The following CLN6 variants were observed in gnomAD, a reference collection of about 807,000 sequenced individuals.
The protein encoded by CLN6 is CLN6 transmembrane ER protein, also known as ceroid-lipofuscinosis neuronal protein 6.
A neutral mutation model predicts 33.3 loss-of-function variants in CLN6; 22 were observed. The observed-to-expected ratio is 0.66, with a 90% CI of 0.47 to 0.94. The LOEUF is 0.94. Ranked by LOEUF, CLN6 falls within the 40% of genes least tolerant of loss-of-function variation. The pLI is 0.00. For synonymous variants in CLN6, 201 were observed against 174.6 expected, an observed-to-expected ratio of 1.15 and a Z score of -1.19; for missense variants, 387 against 417.1, an observed-to-expected ratio of 0.93 and a Z score of 0.63.
At position 68,220,296 on chromosome 15, in the gene CLN6, T is replaced by A. The variant is rs1023947691; in HGVS notation, c.84-1646A>T. 6.6e-6 allele frequency among the ~76,000 whole-genome samples: 1 copy of A among 152,230 alleles called. No individual in the cohort carries two copies. Among genetic ancestry groups the A allele is most frequent in the African/African-American group, 2.4e-5 (1 of 41,460 alleles). On this transcript the variant is annotated intron_variant, in intron 1 of 6. Transcript: ENST00000249806. The surrounding 1 kb of genome is among the most constrained non-coding windows in gnomAD (Gnocchi z 4.2). ...TGCACTATCTCATCTAATCCACGCA[T>A]CTGCTTTACAGATGAGGATACTGAG...
At position 68,256,341 on chromosome 15, in the gene CLN6, T is replaced by G. The variant is rs1892436129; in HGVS notation, c.179+349A>C. ...CCAGGCTGGTTGAGAACTCCTGACCTCAAGTGATCCGCCTGCCTCTGCCTC... is the reference window on the plus strand; with the variant it reads ...CCAGGCTGGTTGAGAACTCCTGACCGCAAGTGATCCGCCTGCCTCTGCCTC... On this transcript the variant is annotated intron_variant, in intron 1 of 6. Transcript: ENST00000538696. This position sits in a 1 kb window ranked among gnomAD's most constrained non-coding sequence, Gnocchi z 4.1. 1.3e-5 allele frequency among the ~76,000 whole-genome samples: 2 copies of G among 151,908 alleles called. No homozygotes were observed. Among genetic ancestry groups the G allele is most frequent in the African/African-American group, 2.4e-5 (1 of 41,346 alleles).
intron 1 of CLN6, among the ~76,000 whole-genome samples, chr15:68,229,221 G>A (rs2093260790): frequency 6.6e-6 from 1 of 152,186 alleles, no homozygotes; most frequent in Non-Finnish European, 1.5e-5. Context: ...ACGCGGGAAG[G>A]GAGGAAAACC....
Position 68,220,612 on chromosome 15 carries a change from C to G in CLN6, c.84-1962G>C, listed in dbSNP as rs181076593. ...CATCCAGGTAAGAATGAAGTAGCCT[C>G]GCAGAGAGGATCAGGGAAAGGGGGA... On this transcript the variant is annotated intron_variant, in intron 1 of 6. Transcript: ENST00000249806. The surrounding 1 kb of genome is among the most constrained non-coding windows in gnomAD (Gnocchi z 4.2). 5.2e-4 allele frequency among the ~76,000 whole-genome samples: 79 copies of G among 152,170 alleles called. No homozygotes were observed. Among genetic ancestry groups the G allele is most frequent in the Non-Finnish European group, 9.6e-4 (65 of 68,046 alleles).
chr15:68,249,142 C>T (rs916638410), intron 1 of CLN6, among the ~76,000 whole-genome samples: 3 of 152,180 alleles, frequency 2.0e-5, no homozygotes, highest in East Asian at 1.9e-4. Flanking sequence ...TAGCCTAGTT[C>T]GAATGACTTT....
rs751043779 is a variant in CLN6, at chr15:68,211,605, C to T, written c.486+70G>A. On this transcript the variant is annotated intron_variant, in intron 4 of 6. Coordinates refer to ENST00000249806, the MANE Select transcript of CLN6 (RefSeq NM_017882.3). This position sits in a 1 kb window ranked among gnomAD's most constrained non-coding sequence, Gnocchi z 5.9. The stretch of plus-strand genomic sequence containing the variant: ...GACAGGTGCGGCGAGGGGTGGGGGC[C>T]ATTTCTTCAGCCTCCCAGGACAGAC... The T allele has an allele frequency of 1.3e-5, 21 of 1,605,976 alleles. No homozygotes were observed. The South Asian group carries it at 2.3e-4, about 18-fold the overall frequency.
At position 68,208,117 on chromosome 15, in the gene CLN6, C is replaced by T. The variant is rs768820177; in HGVS notation, c.*23G>A. The T allele has an allele frequency of 6.5e-6, 10 of 1,542,622 alleles. No individual in the cohort carries two copies. Among genetic ancestry groups the T allele is most frequent in the South Asian group, 5.6e-5 (5 of 89,018 alleles). On this transcript the variant is annotated 3_prime_UTR_variant, in exon 7 of 7. Coordinates refer to ENST00000249806, the MANE Select transcript of CLN6 (RefSeq NM_017882.3). This position sits in a 1 kb window ranked among gnomAD's most constrained non-coding sequence, Gnocchi z 5.8. ...TGGCCCACCCTCCCACCCAGCAGAG[C>T]GCCAGAGCCTGGTGCCAGGGACTCA... is the stretch of plus-strand genomic sequence containing the variant.
intron 1 of CLN6, 99 bp downstream of exon 1, chr15:68,229,403 G>T (rs374125159): frequency 1.3e-5 from 13 of 965,536 alleles, no homozygotes; most frequent in East Asian, 3.5e-5. Flanking sequence ...CGCCGCACAC[G>T]AGGTTCCCGC....
intron 1 of CLN6, among the ~76,000 whole-genome samples, chr15:68,250,799 A>G (rs1474685721): frequency 6.6e-6 from 1 of 152,192 alleles, no homozygotes; most frequent in Non-Finnish European, 1.5e-5. Context: ...GCTTTGAAGT[A>G]CAGTTTCTAT....
At position 68,211,231 on chromosome 15, in the gene CLN6, C is replaced by T. The variant is rs1466229903; in HGVS notation, c.542+32G>A. On this transcript the variant is annotated intron_variant, in intron 5 of 6. Transcript: ENST00000249806. The surrounding 1 kb of genome is among the most constrained non-coding windows in gnomAD (Gnocchi z 5.9). ...GACAGGGCTAGCCGGTAGTTGGGGC[C>T]CCTGGGATAGACAGATGGGCCCATC... 1.9e-6 allele frequency: 3 copies of T among 1,608,574 alleles called. No individual in the cohort carries two copies. The highest frequency in any genetic ancestry group is 2.6e-6 in the Non-Finnish European group (3 of 1,175,086).
chr15:68,233,483 G>A (rs955662908), upstream of CLN6, among the ~76,000 whole-genome samples: 1 of 152,148 alleles, frequency 6.6e-6, no homozygotes, highest in Non-Finnish European at 1.5e-5. This position sits in a 1 kb window ranked among gnomAD's most constrained non-coding sequence, Gnocchi z 4.3. Flanking sequence ...GCCACACAGC[G>A]AGTTAGAAGC....
At position 68,211,636 on chromosome 15, in the gene CLN6, T is replaced by C. The variant is rs1452059463; in HGVS notation, c.486+39A>G. ...TTCAGCCTCCCAGGACAGACTGTGC[T>C]CCTAGGGCTTACAGGCAGGGAGCAG... On this transcript the variant is annotated intron_variant, in intron 4 of 6. Transcript: ENST00000249806. The surrounding 1 kb of genome is among the most constrained non-coding windows in gnomAD (Gnocchi z 5.9). 1 of 1,611,128 alleles carries C rather than the reference T, an allele frequency of 6.2e-7. No individual in the cohort carries two copies. The highest frequency in any genetic ancestry group is 8.5e-7 in the Non-Finnish European group (1 of 1,179,970).
rs1358692449 is a variant in CLN6, at chr15:68,241,646, A to G, written c.179+15044T>C. Reference sequence around the variant, plus strand: ...AGGTGGGGATACTATCCCTAGCCCTAGAAACATGGTTCTGTAACTCGGCCA... The same window carrying G: ...AGGTGGGGATACTATCCCTAGCCCTGGAAACATGGTTCTGTAACTCGGCCA... On this transcript the variant is annotated intron_variant, in intron 1 of 6. Transcript: ENST00000538696. The surrounding 1 kb of genome is among the most constrained non-coding windows in gnomAD (Gnocchi z 4.2). 1.3e-5 allele frequency among the ~76,000 whole-genome samples: 2 copies of G among 152,210 alleles called. No homozygotes were observed. The highest frequency in any genetic ancestry group is 6.5e-5 in the Admixed American group (1 of 15,280).
In CLN6 at chr15:68,236,882, G is replaced by A. The variant is rs1421332523; in HGVS notation, c.180-18232C>T. ...ATTAAAACTGAATGGAGGCGGCCGGGCGCGGTGGCTCACGCCTGTAATCCC... is the reference window on the plus strand; with the variant it reads ...ATTAAAACTGAATGGAGGCGGCCGGACGCGGTGGCTCACGCCTGTAATCCC... On this transcript the variant is annotated intron_variant, in intron 1 of 6. Coordinates refer to the CLN6 transcript ENST00000538696. This position sits in a 1 kb window ranked among gnomAD's most constrained non-coding sequence, Gnocchi z 4.5. Among the ~76,000 whole-genome samples the A allele has an allele frequency of 6.6e-6, 1 of 151,874 alleles. No individual in the cohort carries two copies. Among genetic ancestry groups the A allele is most frequent in the Non-Finnish European group, 1.5e-5 (1 of 67,956 alleles).
chr15:68,229,809 T>TCCGCTAGGGGAGGGCC (rs1567101878), upstream of CLN6: 1 of 171,462 alleles, frequency 5.8e-6, no homozygotes, highest in Admixed American at 1.0e-4. Context: ...CGGGGCGGGC[T>TCCGCTAGGGGAGGGCC]CCGCTAGGGG....
chr15:68,235,587 AATATATATATATATATATATAT>A (rs59823320), intron 1 of CLN6, among the ~76,000 whole-genome samples: 4,855 of 94,982 alleles, frequency 0.051, 182 homozygotes, highest in African/African-American at 0.12. Context: ...AATAAAAATA[AATATATATATATATATATATAT>A]ATATATATAT....
Position 68,209,685 on chromosome 15 carries a change from A to G in CLN6, c.617T>C (p.Ile206Thr), listed in dbSNP as rs2141137247. ...CACCAGGAGCAGGGCAGGCCCTGGA[A>G]TCAAGCTCTCAGCTTTAGAGGCAGT... ...CFTASKAESL[I>T]PGPALLLVAP... The change falls in exon 6 of 7, where the codon ATT (isoleucine) becomes ACT (threonine). Residue 206 changes from isoleucine (I) to threonine (T), a missense_variant. Physicochemically the swap from Ile to Thr is moderately conservative, Grantham distance 89. Transcript: ENST00000249806. The surrounding 1 kb of genome is among the most constrained non-coding windows in gnomAD (Gnocchi z 4.9). 1 of 1,613,746 alleles carries G rather than the reference A, an allele frequency of 6.2e-7. No homozygotes were observed. The highest frequency in any genetic ancestry group is 1.7e-5 in the Admixed American group (1 of 60,016).
At chr15:68,213,714 C>T (rs1401144448) in intron 3 of CLN6, 1 of 153,888 alleles carries the variant, frequency 6.5e-6, no homozygotes, top group African/African-American at 2.4e-5. Context: ...AAATTTCAGA[C>T]TCCTTTGGAG....
chr15:68,243,445 A>G (rs1892296512), intron 1 of CLN6, among the ~76,000 whole-genome samples: 2 of 152,202 alleles, frequency 1.3e-5, no homozygotes, highest in African/African-American at 4.8e-5. Context: ...CTGGATAGAT[A>G]TAAAATTTTA....
rs2093192711 is a variant in CLN6, at chr15:68,208,060, C to CA, written c.*79_*80insT. On this transcript the variant is annotated 3_prime_UTR_variant, in exon 7 of 7. Coordinates refer to ENST00000249806, the MANE Select transcript of CLN6 (RefSeq NM_017882.3). The surrounding 1 kb of genome is among the most constrained non-coding windows in gnomAD (Gnocchi z 5.8). ...CTCGGTCTCTGGTTACACACCCACA[C>CA]CCCCCCTACTCCTGTATTCAGATGC... 65 of 1,460,560 alleles carry CA rather than the reference C, an allele frequency of 4.5e-5. No homozygotes were observed. The highest frequency in any genetic ancestry group is 5.3e-5 in the Non-Finnish European group (57 of 1,071,086). 90.5% of individuals were successfully genotyped at this position (1,460,560 alleles called of 1,614,324 possible).
Sources: allele counts gnomAD v4.1 joint callset (sites outside exome capture counted in the v4.1 genomes callset), GRCh38; gene constraint gnomAD v4.1.1; non-coding constraint Gnocchi (gnomAD v3.1); transcripts MANE v1.5; gene names NCBI Gene and HGNC (gene_info 2026-07-23, HGNC 2026-07-21).